SND1: variants seen among roughly 807,000 people sequenced by gnomAD.
SND1 encodes the protein staphylococcal nuclease domain-containing protein 1.
In SND1, 38 loss-of-function variants were observed where a neutral mutation model predicts 121.7. The ratio of observed to expected loss-of-function variants is 0.31; its 90% CI spans 0.24 to 0.41. SND1 has a LOEUF of 0.41. SND1 is among the 10% of genes least tolerant of loss of function. The probability of loss-of-function intolerance (pLI) is 1.00; values close to 1 mark genes in which losing one functional copy is unlikely to be tolerated. For missense variants in SND1, 868 were observed against 1,184.6 expected (o/e 0.73, Z 3.92); for synonymous variants, 401 against 447.4 (o/e 0.90, Z 1.31).
chr7:127,901,205 AAGTGGTAGCAAGGC>A (rs990524373), intron 13 of SND1, among the ~76,000 whole-genome samples: 11 of 152,220 alleles, frequency 7.2e-5, no homozygotes, highest in African/African-American at 2.2e-4. Context: ...CCCCACTGAG[AAGTGGTAGCAAGGC>A]AGTACACCTT....
At chr7:127,706,493 C>T (rs1024854943) in intron 8 of SND1, among the ~76,000 whole-genome samples, 7 of 152,138 alleles carry the variant, frequency 4.6e-5, no homozygotes, top group African/African-American at 1.2e-4. Flanking sequence ...CTCCTGACCT[C>T]GTGATCCGCC....
intron 12 of SND1, among the ~76,000 whole-genome samples, chr7:127,886,849 CA>C (rs11413396): frequency 4.1e-4 from 48 of 118,382 alleles, no homozygotes; most frequent in African/African-American, 1.0e-3. Context: ...CTTATTCTGG[CA>C]AAAAAAAAAA....
intron 16 of SND1, among the ~76,000 whole-genome samples, chr7:128,039,108 C>A (rs1792805035): frequency 6.6e-6 from 1 of 152,232 alleles, no homozygotes; most frequent in African/African-American, 2.4e-5. Context: ...AATACTCTTA[C>A]ATGGTTCTCC....
intron 16 of SND1, among the ~76,000 whole-genome samples, chr7:127,995,939 T>G (rs1802642342): frequency 6.6e-6 from 1 of 152,176 alleles, no homozygotes; most frequent in Non-Finnish European, 1.5e-5. Flanking sequence ...TCTGACACAT[T>G]AGAATTGCTC....
chr7:127,799,692 T>A (rs1283803073), intron 10 of SND1, among the ~76,000 whole-genome samples: 1 of 152,246 alleles, frequency 6.6e-6, no homozygotes, highest in East Asian at 1.9e-4. Context: ...CTGGAAGATA[T>A]GCTAAATGTA....
intron 15 of SND1, among the ~76,000 whole-genome samples, chr7:127,944,641 T>A (rs545789301): frequency 1.3e-4 from 20 of 152,222 alleles, no homozygotes; most frequent in African/African-American, 4.8e-4. Flanking sequence ...AGGCTAAGAA[T>A]CCAACCTTGA....
At chr7:127,722,852 T>A (rs1385924156) in intron 10 of SND1, among the ~76,000 whole-genome samples, 1 of 152,148 alleles carries the variant, frequency 6.6e-6, no homozygotes, top group Non-Finnish European at 1.5e-5. Context: ...CAGCAAACAG[T>A]ATTATGGTAA....
intron 10 of SND1, among the ~76,000 whole-genome samples, chr7:127,798,109 CCTGTGGAA>C (rs1798059255): frequency 1.3e-5 from 2 of 152,078 alleles, no homozygotes; most frequent in African/African-American, 2.4e-5. Flanking sequence ...TGTGCAGGTA[CCTGTGGAA>C]TATAATCATA....
intron 12 of SND1, among the ~76,000 whole-genome samples, chr7:127,859,248 A>G (rs1799336472): frequency 6.6e-6 from 1 of 152,212 alleles, no homozygotes; most frequent in South Asian, 2.1e-4. Flanking sequence ...CCAGAGACAC[A>G]GAGAGCCACC....
intron 15 of SND1, among the ~76,000 whole-genome samples, chr7:127,986,202 C>G (rs1189865413): frequency 6.6e-6 from 1 of 152,234 alleles, no homozygotes; most frequent in Non-Finnish European, 1.5e-5. Flanking sequence ...ATTGTCTTGT[C>G]ATTAACAAGA....
At chr7:127,785,337 C>CT (rs1160955257) in intron 10 of SND1, among the ~76,000 whole-genome samples, 1 of 152,140 alleles carries the variant, frequency 6.6e-6, no homozygotes, top group African/African-American at 2.4e-5. Flanking sequence ...TTAATAACTG[C>CT]TTGAGTTTTG....
intron 12 of SND1, among the ~76,000 whole-genome samples, chr7:127,855,939 G>A (rs755414665): frequency 6.6e-5 from 10 of 152,136 alleles, no homozygotes; most frequent in Non-Finnish European, 1.5e-4. Flanking sequence ...ATGCCTCATT[G>A]GATTATGGTT....
chr7:127,660,041 A>C (rs3808109), intron 1 of SND1, among the ~76,000 whole-genome samples: 9 of 67,136 alleles, frequency 1.3e-4, no homozygotes, highest in African/African-American at 4.2e-4. Context: ...CTTTAGTTTG[A>C]GAAAGAAGAT....
chr7:127,851,978 G>C (rs553917981), intron 12 of SND1, among the ~76,000 whole-genome samples: 1 of 151,836 alleles, frequency 6.6e-6, no homozygotes, highest in Non-Finnish European at 1.5e-5. Flanking sequence ...GCAACATGGC[G>C]AAACCCCTGT....
intron 1 of SND1, among the ~76,000 whole-genome samples, chr7:127,668,983 C>T (rs1195171774): frequency 2.0e-5 from 3 of 152,152 alleles, no homozygotes; most frequent in Non-Finnish European, 4.4e-5. Flanking sequence ...GTCAGATTCC[C>T]TCAGCAGTGC....
chr7:127,907,658 A>C (rs1186519280), intron 14 of SND1, among the ~76,000 whole-genome samples: 2 of 152,170 alleles, frequency 1.3e-5, no homozygotes, highest in Admixed American at 6.5e-5. Flanking sequence ...ATTGTTGGTG[A>C]GGAAAAAGAC....
intron 18 of SND1, among the ~76,000 whole-genome samples, chr7:128,083,084 G>GC (rs1418155073): frequency 6.6e-6 from 1 of 152,162 alleles, no homozygotes; most frequent in Non-Finnish European, 1.5e-5. Context: ...AGGATCCACA[G>GC]CCCCCTCTCT....
At chr7:127,935,126 G>A (rs1022673535) in intron 15 of SND1, among the ~76,000 whole-genome samples, 21 of 152,134 alleles carry the variant, frequency 1.4e-4, no homozygotes, top group African/African-American at 4.6e-4. Flanking sequence ...CATCAGAGTT[G>A]AGTTGATTAA....
At chr7:127,975,334 C>T (rs755544950) in intron 15 of SND1, among the ~76,000 whole-genome samples, 23 of 151,668 alleles carry the variant, frequency 1.5e-4, no homozygotes, top group Non-Finnish European at 2.6e-4. Context: ...TATGTGTGGG[C>T]GCGCGCGCAT....
Sources: gnomAD v4.1 joint callset for allele counts (sites outside exome capture counted in the v4.1 genomes callset) on GRCh38, gnomAD v4.1.1 for gene constraint, MANE v1.5 for transcripts, NCBI Gene and HGNC (gene_info 2026-07-23, HGNC 2026-07-21) for gene names.